Variants in ODAD1 observed in about 807,000 individuals in gnomAD.
ODAD1 encodes the protein outer dynein arm-docking complex subunit 1.
A neutral mutation model predicts 67.2 loss-of-function variants in ODAD1; 49 were observed. The ratio of observed to expected loss-of-function variants is 0.73; its 90% CI spans 0.58 to 0.92. ODAD1 has a LOEUF of 0.92. Among genes scored for constraint, ODAD1 ranks in the 40% least tolerant of loss-of-function variants. The probability of loss-of-function intolerance (pLI) is 0.00; values close to 1 mark genes in which losing one functional copy is unlikely to be tolerated. For missense variants in ODAD1, 897 were observed against 953.7 expected (o/e 0.94, Z 0.78); for synonymous variants, 345 against 393.7 (o/e 0.88, Z 1.46).
At position 48,318,440 on chromosome 19, in the gene ODAD1, C is replaced by T; in HGVS notation, c.307G>A (p.Val103Met). Residue 103 changes from valine to methionine, a missense_variant, in exon 5 of 16, where the codon GTG (valine) becomes ATG (methionine). By Grantham distance (21) the Val-to-Met change is conservative. Transcript: ENST00000674294. ...TGCAGCTCCTCGATCTCCGCCTGCA[C>T]CTGGGCCCGGCCCTTCAGCAGGCGG... ...MDRLLKGRAQ[V>M]QAEIEELQEQ... The T allele has an allele frequency of 1.3e-6, 2 of 1,551,676 alleles. No individual in the cohort carries two copies. The highest frequency in any genetic ancestry group is 1.2e-5 in the South Asian group (1 of 84,062).
At chr19:48,298,402 C>T in intron 12 of ODAD1, 62 bp from the exon 13 acceptor site, 1 of 1,548,306 alleles carries the variant, frequency 6.5e-7, no homozygotes, top group Non-Finnish European at 8.9e-7. Flanking sequence ...CAGCCCTCTC[C>T]CCACTCAGGT....
intron 7 of ODAD1, among the ~76,000 whole-genome samples, chr19:48,310,021 G>A (rs1238716710): frequency 6.6e-6 from 1 of 151,956 alleles, no homozygotes; most frequent in East Asian, 1.9e-4. Context: ...GAACACCTTA[G>A]GTCAGGAGTT....
chr19:48,320,522 A>G (rs1312947278), intron 2 of ODAD1, 131 bp from the exon 3 acceptor site: 1 of 340,460 alleles, frequency 2.9e-6, no homozygotes, highest in Admixed American at 4.6e-5. Context: ...TCATTCCTCC[A>G]AGAGGGGTTG....
At position 48,297,519 on chromosome 19, in the gene ODAD1, C is replaced by G; in HGVS notation, c.1582-1G>C. 1 of 1,603,992 alleles carries G rather than the reference C, an allele frequency of 6.2e-7. No individual in the cohort carries two copies. The highest frequency in any genetic ancestry group is 8.5e-7 in the Non-Finnish European group (1 of 1,175,790). ...CCTCCGCCTGCTCCTGGAGCTCCAC[C>G]TGCAGGGAAGGTGAACTGGGCCCCG... On this transcript the variant is annotated splice_acceptor_variant, in intron 15 of 15. Transcript: ENST00000674294. LOFTEE classifies it high-confidence loss of function.
At chr19:48,303,814 T>G in intron 9 of ODAD1, 30 bp from the exon 10 acceptor site, 2 of 1,588,984 alleles carry the variant, frequency 1.3e-6, no homozygotes, top group South Asian at 2.3e-5. Context: ...CAGGTCGGCC[T>G]CCTGGGTGGC....
At chr19:48,308,319 C>T (rs945206230) in intron 7 of ODAD1, among the ~76,000 whole-genome samples, 3 of 152,144 alleles carry the variant, frequency 2.0e-5, no homozygotes, top group South Asian at 4.1e-4. Context: ...GGATTACAGG[C>T]GTGCACCACC....
chr19:48,320,171 G>T, intron 3 of ODAD1, 128 bp downstream of exon 3: 2 of 828,882 alleles, frequency 2.4e-6, no homozygotes, highest in Non-Finnish European at 3.2e-6. Context: ...CCCTTAGGGC[G>T]CATGTCTGTT....
At position 48,300,316 on chromosome 19, in the gene ODAD1, T is replaced by A. The variant is rs151254878; in HGVS notation, c.1241-1976A>T. Reference sequence around the variant, plus strand: ...AAATTCCTCTCAAAAAATAAATAAATGAAAAAAATCTAAAAAAATTTTTAA... The same window carrying A: ...AAATTCCTCTCAAAAAATAAATAAAAGAAAAAAATCTAAAAAAATTTTTAA... On this transcript the variant is annotated intron_variant, in intron 12 of 15. Transcript: ENST00000674294. Among the ~76,000 whole-genome samples the A allele has an allele frequency of 5.9e-3, 897 of 151,940 alleles. 3 individuals carry two copies. The highest frequency in any genetic ancestry group is 9.9e-3 in the Non-Finnish European group (674 of 67,964).
rs772407409 is a variant in ODAD1 at position 48,297,053 on chromosome 19, T to TGCTGGACCCGAGGCCTCC, written c.2029_2046dup (p.Gly677_Ser682dup). 6.2e-7 allele frequency: 1 copy of TGCTGGACCCGAGGCCTCC among 1,612,832 alleles called. No homozygotes were observed. The highest frequency in any genetic ancestry group is 1.7e-5 in the Admixed American group (1 of 60,012). On this transcript the variant is annotated inframe_insertion, in exon 16 of 16. Coordinates refer to ENST00000674294, the MANE Select transcript of ODAD1 (RefSeq NM_001364171.2). ...GGGCCGGTGCTGGAGACGTGGTCTC[T>TGCTGGACCCGAGGCCTCC]GCTGGACCCGAGGCCTCCGCTCGAA...
At chr19:48,307,696 T>A (rs1177988105) in intron 7 of ODAD1, among the ~76,000 whole-genome samples, 1 of 151,776 alleles carries the variant, frequency 6.6e-6, no homozygotes, top group East Asian at 1.9e-4. Context: ...GTGCCTGTAG[T>A]CCCAGCTACT....
chr19:48,312,402 T>G (rs1170749803), intron 5 of ODAD1, among the ~76,000 whole-genome samples: 6 of 70,038 alleles, frequency 8.6e-5, no homozygotes, highest in South Asian at 9.5e-4. Context: ...TCCTTTCCGT[T>G]TTTTTTTTTG....
intron 2 of ODAD1, 44 bp from the exon 3 acceptor site, chr19:48,320,435 C>T: frequency 8.7e-7 from 1 of 1,146,876 alleles, no homozygotes; most frequent in South Asian, 1.3e-5. Flanking sequence ...GCAGGCGGGC[C>T]AGGGCCCAGA....
At chr19:48,316,103 G>A (rs1968891808) in intron 5 of ODAD1, among the ~76,000 whole-genome samples, 1 of 152,128 alleles carries the variant, frequency 6.6e-6, no homozygotes, top group African/African-American at 2.4e-5. Context: ...ACTGGGCCAG[G>A]CACGGTGGCC....
intron 12 of ODAD1, among the ~76,000 whole-genome samples, chr19:48,300,202 A>C (rs1476611215): frequency 6.6e-6 from 1 of 152,028 alleles, no homozygotes; most frequent in African/African-American, 2.4e-5. Flanking sequence ...GCAACTCAGG[A>C]GGCTGAGGCA....
rs34628933 is a variant in ODAD1 at position 48,303,981 on chromosome 19, G to A, written c.825C>T (p.Pro275=). The A allele has an allele frequency of 5.3e-3, 8,611 of 1,614,142 alleles. 79 individuals carry two copies. Among genetic ancestry groups the A allele is most frequent in the African/African-American group, 0.033 (2,443 of 75,058 alleles). Residue 275 remains proline, a synonymous_variant, in exon 9 of 16, where the codon CCC becomes CCT. Transcript: ENST00000674294. ...KLKNNDRQPD[P]DVLEKREKQA... Reference sequence around the variant, plus strand: ...GCTTTTCACGCTTCTCCAGGACATCGGGATCCGGCTGCCGGTCGTTGTTCT... The same window carrying A: ...GCTTTTCACGCTTCTCCAGGACATCAGGATCCGGCTGCCGGTCGTTGTTCT...
At chr19:48,308,418 C>T (rs1227746893) in intron 7 of ODAD1, among the ~76,000 whole-genome samples, 2 of 152,114 alleles carry the variant, frequency 1.3e-5, no homozygotes, top group Non-Finnish European at 2.9e-5. Context: ...TCAGGTGATC[C>T]GCCTGCCTCA....
chr19:48,297,067 C>T lies in ODAD1; in HGVS notation c.2033G>A (p.Gly678Asp), dbSNP rs1380700973. The T allele has an allele frequency of 3.1e-6, 5 of 1,613,088 alleles. No individual in the cohort carries two copies. Among genetic ancestry groups the T allele is most frequent in the Non-Finnish European group, 4.2e-6 (5 of 1,179,562 alleles). The change falls in exon 16 of 16, where the codon GGC (glycine) becomes GAC (aspartate). Residue 678 changes from glycine to aspartate, a missense_variant. Coordinates refer to ENST00000674294, the MANE Select transcript of ODAD1 (RefSeq NM_001364171.2). Reference protein sequence around the residue: ...SGGTASDSSGGLGSSRDHVSS... With the variant: ...SGGTASDSSGDLGSSRDHVSS... ...GACGTGGTCTCTGCTGGACCCGAGGCCTCCGCTCGAATCAGACGCTGTGCC... is the reference window on the plus strand; with the variant it reads ...GACGTGGTCTCTGCTGGACCCGAGGTCTCCGCTCGAATCAGACGCTGTGCC...
Position 48,306,261 on chromosome 19 carries a change from G to A in ODAD1, c.660C>T (p.Ala220=), listed in dbSNP as rs1421970807. The A allele has an allele frequency of 7.7e-6, 12 of 1,551,394 alleles. No homozygotes were observed. Among genetic ancestry groups the A allele is most frequent in the Non-Finnish European group, 9.6e-6 (11 of 1,146,876 alleles). Residue 220 remains alanine (A), a synonymous_variant, in exon 8 of 16, where the codon GCC becomes GCT. Coordinates refer to ENST00000674294, the MANE Select transcript of ODAD1 (RefSeq NM_001364171.2). ...TLILSSTSAY[A]VREEAKAKMG... is the part of the protein sequence containing the mutation. ...AGGATACCCGCAGTCTCTACCTGAC[G>A]GCGTAGGCAGAGGTGGAGGAGAGGA...
chr19:48,296,772 G>C lies in ODAD1; in HGVS notation c.*204C>G. The C allele has an allele frequency of 5.0e-6, 7 of 1,406,860 alleles. No individual in the cohort carries two copies. Among genetic ancestry groups the C allele is most frequent in the Non-Finnish European group, 5.5e-6 (6 of 1,087,496 alleles). The allele number at this position is 1,406,860 out of a possible 1,614,324, so 87.1% of individuals were successfully genotyped here. A position where few individuals can be genotyped will look rare whatever the true frequency, so the allele number is the denominator to read the frequency against. ...AGATCAGGAGTCAGAGGGAAAAGCA[G>C]TGTCAGGAGCAGAGAGAAAGGAACC... On this transcript the variant is annotated 3_prime_UTR_variant, in exon 16 of 16. Coordinates refer to ENST00000674294, the MANE Select transcript of ODAD1 (RefSeq NM_001364171.2).
Sources: gnomAD v4.1 joint callset for allele counts (sites outside exome capture counted in the v4.1 genomes callset) on GRCh38, gnomAD v4.1.1 for gene constraint, MANE v1.5 for transcripts, NCBI Gene and HGNC (gene_info 2026-07-23, HGNC 2026-07-21) for gene names.